AKR7A3: variants seen among roughly 807,000 people sequenced by gnomAD.
AKR7A3 encodes AFB1 aldehyde reductase 2.
AKR7A3 carries 37 observed loss-of-function variants against 32.5 expected under a neutral mutation model. The ratio of observed to expected loss-of-function variants is 1.14; its 90% CI spans 0.88 to 1.50. AKR7A3 has a LOEUF of 1.50. Ranked by LOEUF, AKR7A3 falls within the 40% of genes most tolerant of loss-of-function variation. The probability of loss-of-function intolerance (pLI) is 0.00; values close to 1 mark genes in which losing one functional copy is unlikely to be tolerated. For synonymous variants in AKR7A3, 177 were observed against 188.4 expected (o/e 0.94, Z 0.50); for missense variants, 412 against 453.2 (o/e 0.91, Z 0.83).
chr1:19,287,257 C>A (rs1738022), intron 1 of AKR7A3, among the ~76,000 whole-genome samples: 140,400 of 150,318 alleles, frequency 0.93, 65,722 homozygotes, highest in African/African-American at 0.98. Flanking sequence ...GCAATGAGCC[C>A]TATCGCACCA....
In AKR7A3 at chr1:19,288,673, C is replaced by G. The variant is rs1237060602; in HGVS notation, c.37G>C (p.Val13Leu). Residue 13 changes from valine to leucine, a missense_variant, in exon 1 of 7, where the codon GTG becomes CTG. Physicochemically the swap from Val to Leu is conservative, Grantham distance 32. Transcript: ENST00000361640. ...CGCCCCATCTCCATGGCGCCCAGCA[C>G]CGTGGCTGGCCGGGCCCGCGACAGC... The part of the protein sequence containing the change: ...RQLSRARPAT[V>L]LGAMEMGRRM... The G allele has an allele frequency of 6.6e-6, 10 of 1,523,286 alleles. No homozygotes were observed. The highest frequency in any genetic ancestry group is 4.6e-4 in the Middle Eastern group (2 of 4,324). 94.4% of individuals were successfully genotyped at this position (1,523,286 alleles called of 1,614,324 possible).
intron 3 of AKR7A3, among the ~76,000 whole-genome samples, 160 bp downstream of exon 3, chr1:19,285,728 A>C (rs1452317598): frequency 3.3e-5 from 5 of 151,462 alleles, no homozygotes; most frequent in Admixed American, 2.0e-4. Flanking sequence ...CAGCCTGAGG[A>C]GCTTGAATGG....
chr1:19,278,190 T>A (rs1454070581), downstream of AKR7A3, among the ~76,000 whole-genome samples: 1 of 151,740 alleles, frequency 6.6e-6, no homozygotes, highest in African/African-American at 2.4e-5. Flanking sequence ...GAGATTCCCC[T>A]TGCCTGGGCC....
chr1:19,287,317 A>AAAAAAT (rs1400114490), intron 1 of AKR7A3, among the ~76,000 whole-genome samples: 1 of 151,510 alleles, frequency 6.6e-6, no homozygotes, highest in Non-Finnish European at 1.5e-5. Context: ...AAAAAAAAAA[A>AAAAAAT]AAAAATCAGA....
chr1:19,281,357 G>C (rs1448234666), downstream of AKR7A3, among the ~76,000 whole-genome samples: 3 of 151,908 alleles, frequency 2.0e-5, no homozygotes, highest in Non-Finnish European at 4.4e-5. Context: ...AAAAAAGCTG[G>C]CTGGGTGTGG....
rs142053998 is a variant in AKR7A3, at chr1:19,283,999, C to T, written c.831G>A (p.Leu277=). 6.0e-5 allele frequency: 97 copies of T among 1,613,232 alleles called. No homozygotes were observed. Among genetic ancestry groups the T allele is most frequent in the Admixed American group, 1.0e-4 (6 of 60,026 alleles). The change falls in exon 6 of 7, where the codon CTG becomes CTA. Residue 277 remains leucine (L), a synonymous_variant. Coordinates refer to ENST00000361640, the MANE Select transcript of AKR7A3 (RefSeq NM_012067.3). ...AGCGCACAGGGTCACTGGTTACCTG[C>T]AGCTGTGAGTGGTGGTACATCCACC... ...TLRWMYHHSQ[L]QGAHGDAVIL...
At chr1:19,282,508 T>C, downstream of AKR7A3, 1 of 759,256 alleles carries the variant, frequency 1.3e-6, no homozygotes. Flanking sequence ...ACCTCTTTTC[T>C]TTATAAATGA....
At chr1:19,274,315 G>A in the AKR7A3 span, 1 of 681,330 alleles carries the variant, frequency 1.5e-6, no homozygotes, top group South Asian at 3.0e-5. Context: ...CTTCGTACCG[G>A]TGACTCGCGT....
intron 1 of AKR7A3, among the ~76,000 whole-genome samples, chr1:19,288,077 G>A (rs1039661313): frequency 2.6e-5 from 4 of 152,226 alleles, no homozygotes; most frequent in African/African-American, 9.6e-5. Flanking sequence ...GACTGTGCCA[G>A]GGAGTGCCAG....
chr1:19,284,142 G>A lies in AKR7A3; in HGVS notation c.705-17C>T. The A allele has an allele frequency of 6.2e-7, 1 of 1,601,818 alleles. No homozygotes were observed. The highest frequency in any genetic ancestry group is 8.5e-7 in the Non-Finnish European group (1 of 1,173,424). On this transcript the variant is annotated splice_polypyrimidine_tract_variant and intron_variant, in intron 5 of 6. Coordinates refer to ENST00000361640, the MANE Select transcript of AKR7A3 (RefSeq NM_012067.3). Reference sequence around the variant, plus strand: ...TTCCAGTAGCTGGGAAGGGGGGACGGTGGCACAGGTGTCAGGGCCACATTG... The same window carrying A: ...TTCCAGTAGCTGGGAAGGGGGGACGATGGCACAGGTGTCAGGGCCACATTG...
chr1:19,277,235 G>T, the AKR7A3 span, among the ~76,000 whole-genome samples: 36 of 151,010 alleles, frequency 2.4e-4, no homozygotes, highest in Middle Eastern at 6.8e-3. Context: ...GCCTGAGAGG[G>T]AACTGAAAAT....
At chr1:19,276,827 A>T in the AKR7A3 span, among the ~76,000 whole-genome samples, 1 of 151,416 alleles carries the variant, frequency 6.6e-6, no homozygotes, top group East Asian at 1.9e-4. Flanking sequence ...AAATAAATTA[A>T]CAGGCCAGGT....
At chr1:19,285,142 G>C (rs1419178049) in intron 3 of AKR7A3, 28 bp from the exon 4 acceptor site, 2 of 1,607,116 alleles carry the variant, frequency 1.2e-6, no homozygotes, top group Non-Finnish European at 1.7e-6. Flanking sequence ...CCGGGGGAGA[G>C]GGTGGATGTG....
chr1:19,285,414 C>T (rs867642319), intron 3 of AKR7A3, among the ~76,000 whole-genome samples: 2 of 151,646 alleles, frequency 1.3e-5, no homozygotes, highest in African/African-American at 2.4e-5. Context: ...CAGTTATAAT[C>T]AAGTCATGAG....
rs1490179681 is a variant in AKR7A3, at chr1:19,288,743, A to G, written c.-34T>C. ...CAACGGGAGACTGTGACAGCCCAGGAGCCGCGCGCAGCGGTCGGAAGCACC... is the reference window on the plus strand; with the variant it reads ...CAACGGGAGACTGTGACAGCCCAGGGGCCGCGCGCAGCGGTCGGAAGCACC... On this transcript the variant is annotated 5_prime_UTR_variant, in exon 1 of 7. Coordinates refer to ENST00000361640, the MANE Select transcript of AKR7A3 (RefSeq NM_012067.3). The G allele has an allele frequency of 1.4e-6, 2 of 1,428,630 alleles. No individual in the cohort carries two copies. Among genetic ancestry groups the G allele is most frequent in the Non-Finnish European group, 1.8e-6 (2 of 1,095,978 alleles). 88.5% of individuals were successfully genotyped at this position (1,428,630 alleles called of 1,614,324 possible). A position where few individuals can be genotyped will look rare whatever the true frequency, so the allele number is the denominator to read the frequency against.
the AKR7A3 span, among the ~76,000 whole-genome samples, chr1:19,276,914 G>A: frequency 6.6e-6 from 1 of 151,724 alleles, no homozygotes; most frequent in Non-Finnish European, 1.5e-5. Flanking sequence ...GGGTTCTCTA[G>A]ATCAGCCTGG....
chr1:19,284,230 G>A lies in AKR7A3; in HGVS notation c.705-105C>T, dbSNP rs576887633. ...CACCCCACACCCTGCAGCCCTGAGG[G>A]GCAGGTGTTCTCTCTAGCCATGGGT... On this transcript the variant is annotated intron_variant, in intron 5 of 6. Coordinates refer to ENST00000361640, the MANE Select transcript of AKR7A3 (RefSeq NM_012067.3). 5 of 1,450,768 alleles carry A rather than the reference G, an allele frequency of 3.4e-6. No homozygotes were observed. The Admixed American group carries it at 1.3e-4, about 37-fold the overall frequency. 89.9% of individuals were successfully genotyped at this position (1,450,768 alleles called of 1,614,324 possible).
At chr1:19,278,493 G>A (rs2093714172), downstream of AKR7A3, among the ~76,000 whole-genome samples, 1 of 151,670 alleles carries the variant, frequency 6.6e-6, no homozygotes, top group South Asian at 2.1e-4. Flanking sequence ...CCCAGGAGGC[G>A]GAGGTTGCAA....
rs1329069618 is a variant in AKR7A3 at position 19,282,961 on chromosome 1, C to T, written c.835-69G>A. On this transcript the variant is annotated intron_variant, in intron 6 of 6. Transcript: ENST00000361640. ...GCGACTCTACTCACAGCCGTCCCAG[C>T]CACCTCCCTGCTGAGATTTGGGATC... 3 of 1,583,800 alleles carry T rather than the reference C, an allele frequency of 1.9e-6. No individual in the cohort carries two copies. The African/African-American group carries it at 4.1e-5, about 22-fold the overall frequency.
Sources: allele counts gnomAD v4.1 joint callset (sites outside exome capture counted in the v4.1 genomes callset), GRCh38; gene constraint gnomAD v4.1.1; transcripts MANE v1.5; gene names NCBI Gene and HGNC (gene_info 2026-07-23, HGNC 2026-07-21).